The following ZC3H12D variants were observed in gnomAD, a reference collection of about 807,000 sequenced individuals.
The protein encoded by ZC3H12D is zinc finger CCCH-type containing 12D, also known as probable ribonuclease ZC3H12D.
In ZC3H12D, 11 loss-of-function variants were observed where a neutral mutation model predicts 24.2. The observed-to-expected ratio is 0.46, with a 90% confidence interval of 0.29 to 0.75. The LOEUF is 0.75. Among genes scored for constraint, ZC3H12D ranks in the 30% least tolerant of loss-of-function variants. The probability of loss-of-function intolerance (pLI) is 0.11; values close to 1 mark genes in which losing one functional copy is unlikely to be tolerated. For missense variants in ZC3H12D, 740 were observed against 767.7 expected, an observed-to-expected ratio of 0.96 and a Z score of 0.43; for synonymous variants, 333 against 341.8, an observed-to-expected ratio of 0.97 and a Z score of 0.28.
Position 149,456,640 on chromosome 6 carries a change from GGT to G in ZC3H12D, c.680+24_680+25del. ...GGCCCCCCGCCCCGCCGCCCCCCAG[GGT>G]GTCAGGACCCCAGCCGGACCTACCG... is the stretch of plus-strand genomic sequence containing the variant. On this transcript the variant is annotated intron_variant, in intron 4 of 5. Transcript: ENST00000409806. This position sits in a 1 kb window ranked among gnomAD's most constrained non-coding sequence, Gnocchi z 4.3. 6.8e-7 allele frequency: 1 copy of G among 1,477,458 alleles called. No homozygotes were observed. The highest frequency in any genetic ancestry group is 9.4e-7 in the Non-Finnish European group (1 of 1,062,500). 91.5% of individuals were successfully genotyped at this position (1,477,458 alleles called of 1,614,324 possible). A position where few individuals can be genotyped will look rare whatever the true frequency, so the allele number is the denominator to read the frequency against.
chr6:149,459,711 A>G, intron 3 of ZC3H12D: 1 of 717,720 alleles, frequency 1.4e-6, no homozygotes, highest in East Asian at 2.7e-5. Context: ...ACTAGGAAGG[A>G]AGAAGCCTCC....
At chr6:149,465,948 GT>G (rs1776154845) in intron 2 of ZC3H12D, among the ~76,000 whole-genome samples, 1 of 151,944 alleles carries the variant, frequency 6.6e-6, no homozygotes, top group South Asian at 2.1e-4. Context: ...CTGAACCTTT[GT>G]TTTTCAGCAC....
At chr6:149,454,089 A>C (rs1194190813) in intron 4 of ZC3H12D, among the ~76,000 whole-genome samples, 1 of 152,126 alleles carries the variant, frequency 6.6e-6, no homozygotes, top group Non-Finnish European at 1.5e-5. Flanking sequence ...TCGCAGACTT[A>C]ACCTCCTCCT....
At chr6:149,461,044 A>C (rs1040912215) in intron 3 of ZC3H12D, among the ~76,000 whole-genome samples, 1 of 152,150 alleles carries the variant, frequency 6.6e-6, no homozygotes, top group African/African-American at 2.4e-5. Flanking sequence ...AGCTGATTGA[A>C]GAATTAAAAA....
At chr6:149,479,500 G>A (rs1776391255) in intron 1 of ZC3H12D, among the ~76,000 whole-genome samples, 1 of 152,136 alleles carries the variant, frequency 6.6e-6, no homozygotes, top group South Asian at 2.1e-4. Flanking sequence ...ATGTTATTCA[G>A]AGCAGTCACC....
intron 2 of ZC3H12D, among the ~76,000 whole-genome samples, chr6:149,469,994 C>G (rs745352723): frequency 6.6e-6 from 1 of 152,224 alleles, no homozygotes; most frequent in East Asian, 1.9e-4. Context: ...AGAGCTGGCT[C>G]TTCTTGCTCT....
At position 149,452,673 on chromosome 6, in the gene ZC3H12D, T is replaced by G; in HGVS notation, c.730A>C (p.Asn244His). The change falls in exon 5 of 6, where the codon AAC becomes CAC. Residue 244 changes from asparagine (N) to histidine (H), a missense_variant. Coordinates refer to ENST00000409806, the MANE Select transcript of ZC3H12D (RefSeq NM_207360.3). The surrounding 1 kb of genome is among the most constrained non-coding windows in gnomAD (Gnocchi z 4.0). ...GGCTTCGGCTTCCTGCTCAGGAAGT[T>G]GCTCAGGGAGGGTCCATGGCGGCCC... ...PLGRHGPSLS[N>H]FLSRKPKPPE... 1 of 1,608,874 alleles carries G rather than the reference T, an allele frequency of 6.2e-7. No individual in the cohort carries two copies.
Position 149,451,387 on chromosome 6 carries a change from T to C in ZC3H12D, c.880A>G (p.Lys294Glu). ...QLAVADELRA[K>E]TGARPGAGAE... The stretch of plus-strand genomic sequence containing the variant: ...CCCGCGCCAGGCCGGGCCCCTGTCT[T>C]GGCGCGGAGCTCGTCGGCCACCGCC... The change falls in exon 6 of 6, where the codon AAG (lysine) becomes GAG (glutamate). Residue 294 changes from lysine (K) to glutamate (E), a missense_variant. Coordinates refer to ENST00000409806, the MANE Select transcript of ZC3H12D (RefSeq NM_207360.3). The C allele has an allele frequency of 6.4e-7, 1 of 1,557,444 alleles. No homozygotes were observed. The highest frequency in any genetic ancestry group is 1.1e-5 in the South Asian group (1 of 87,534).
intron 2 of ZC3H12D, among the ~76,000 whole-genome samples, chr6:149,462,725 G>A (rs1342359968): frequency 2.0e-5 from 3 of 152,232 alleles, no homozygotes; most frequent in African/African-American, 7.2e-5. Flanking sequence ...AAAGTAGAAT[G>A]AGCGGACTTG....
At chr6:149,473,192 G>C (rs534623054) in intron 2 of ZC3H12D, among the ~76,000 whole-genome samples, 2 of 151,614 alleles carry the variant, frequency 1.3e-5, no homozygotes, top group Non-Finnish European at 2.9e-5. Flanking sequence ...AGCCCCTGAG[G>C]CTGGACCATC....
intron 2 of ZC3H12D, among the ~76,000 whole-genome samples, chr6:149,473,154 AAG>A (rs1338495486): frequency 1.3e-5 from 1 of 78,422 alleles, no homozygotes; most frequent in Non-Finnish European, 3.1e-5. Context: ...AAAAAACTCA[AAG>A]TACACACCGC....
At position 149,456,854 on chromosome 6, in the gene ZC3H12D, G is replaced by A. The variant is rs1328796973; in HGVS notation, c.492C>T (p.Tyr164=). ...AELERQAVLV[Y]TPSRKVHGKR... ...TGCCGTGCACCTTGCGGGACGGCGTGTACACCAGCACCGCCTGCCGCTCCA... is the reference window on the plus strand; with the variant it reads ...TGCCGTGCACCTTGCGGGACGGCGTATACACCAGCACCGCCTGCCGCTCCA... The change falls in exon 4 of 6, where the codon TAC becomes TAT. Residue 164 remains tyrosine (Y), a synonymous_variant. Transcript: ENST00000409806. The surrounding 1 kb of genome is among the most constrained non-coding windows in gnomAD (Gnocchi z 4.3). 3 of 1,608,120 alleles carry A rather than the reference G, an allele frequency of 1.9e-6. No individual in the cohort carries two copies. Among genetic ancestry groups the A allele is most frequent in the Non-Finnish European group, 2.5e-6 (3 of 1,179,660 alleles).
intron 3 of ZC3H12D, among the ~76,000 whole-genome samples, chr6:149,461,420 A>G (rs1163668773): frequency 6.6e-6 from 1 of 152,164 alleles, no homozygotes; most frequent in East Asian, 1.9e-4. Flanking sequence ...TAGATGAAGT[A>G]CTTGGTAAAT....
At chr6:149,470,399 G>A (rs1290565268) in intron 2 of ZC3H12D, among the ~76,000 whole-genome samples, 1 of 152,006 alleles carries the variant, frequency 6.6e-6, no homozygotes. Context: ...GCCAGGTGTA[G>A]TGGCAGGCAC....
chr6:149,449,030 G>A lies in ZC3H12D; in HGVS notation c.*1653C>T, dbSNP rs1421346018. 1 of 152,284 alleles carries A rather than the reference G, an allele frequency of 6.6e-6. No individual in the cohort carries two copies. Among genetic ancestry groups the A allele is most frequent in the Non-Finnish European group, 1.5e-5 (1 of 68,074 alleles). 9.4% of individuals were successfully genotyped at this position (152,284 alleles called of 1,614,324 possible). On this transcript the variant is annotated 3_prime_UTR_variant, in exon 6 of 6. Transcript: ENST00000409806. ...GAACAAATGAGCCATAGTCTGGAGG[G>A]CTGGCATGGTAACCAGAATGGGTGG...
At chr6:149,481,975 C>T (rs1354341002) in intron 1 of ZC3H12D, among the ~76,000 whole-genome samples, 4 of 152,198 alleles carry the variant, frequency 2.6e-5, no homozygotes, top group Admixed American at 1.3e-4. Context: ...GAAACATGAG[C>T]GTTTCCAAAA....
intron 1 of ZC3H12D, chr6:149,483,310 ATT>A (rs1357258176): frequency 1.3e-5 from 2 of 151,810 alleles, no homozygotes; most frequent in Non-Finnish European, 2.9e-5. Flanking sequence ...AATTTTTTTA[ATT>A]TTCTTTAAAT....
chr6:149,452,706 C>CT lies in ZC3H12D; in HGVS notation c.696_697insA (p.Asp233ArgfsTer161). 1.2e-6 allele frequency: 2 copies of CT among 1,604,248 alleles called. No homozygotes were observed. The highest frequency in any genetic ancestry group is 1.7e-6 in the Non-Finnish European group (2 of 1,176,426). On this transcript the variant is annotated frameshift_variant, in exon 5 of 6. Coordinates refer to ENST00000409806, the MANE Select transcript of ZC3H12D (RefSeq NM_207360.3). LOFTEE classifies it high-confidence loss of function. The surrounding 1 kb of genome is among the most constrained non-coding windows in gnomAD (Gnocchi z 4.0). ...GAGGGTCCATGGCGGCCCAGGGGGT[C>CT]ATCAGGCGGCATGAACCTGGAAAAT...
In ZC3H12D at chr6:149,456,616, G is replaced by GCCCCCCCC; in HGVS notation, c.680+49_680+50insGGGGGGGG. On this transcript the variant is annotated intron_variant, in intron 4 of 5. Coordinates refer to ENST00000409806, the MANE Select transcript of ZC3H12D (RefSeq NM_207360.3). This position sits in a 1 kb window ranked among gnomAD's most constrained non-coding sequence, Gnocchi z 4.3. ...AGGCGTGGCCACTGCCTCGACCCCGGCCCCCCGCCCCGCCGCCCCCCAGGG... is the reference window on the plus strand; with the variant it reads ...AGGCGTGGCCACTGCCTCGACCCCGGCCCCCCCCCCCCCCGCCCCGCCGCCCCCCAGGG... 99 of 1,130,356 alleles carry GCCCCCCCC rather than the reference G, an allele frequency of 8.8e-5. No individual in the cohort carries two copies. Among genetic ancestry groups the GCCCCCCCC allele is most frequent in the Non-Finnish European group, 1.1e-4 (87 of 763,226 alleles). The allele number at this position is 1,130,356 out of a possible 1,614,324, so 70.0% of individuals were successfully genotyped here.
Sources: allele counts gnomAD v4.1 joint callset (sites outside exome capture counted in the v4.1 genomes callset), GRCh38; gene constraint gnomAD v4.1.1; non-coding constraint Gnocchi (gnomAD v3.1); transcripts MANE v1.5; gene names NCBI Gene and HGNC (gene_info 2026-07-23, HGNC 2026-07-21).